The following RNF216 variants were observed in gnomAD, a reference collection of about 807,000 sequenced individuals.
RNF216 encodes E3 ubiquitin-protein ligase RNF216.
Under a neutral mutation model 110.8 loss-of-function variants are expected in RNF216, and 72 were observed. That is an observed-to-expected ratio of 0.65 (90% confidence interval 0.54 to 0.79). The LOEUF (loss-of-function observed/expected upper bound fraction) is 0.79, where lower values mean the gene tolerates loss of function less well. RNF216 is among the 30% of genes least tolerant of loss of function. The pLI, the probability that RNF216 is intolerant of heterozygous loss-of-function variation, is 0.00. For missense variants in RNF216, 1,342 were observed against 1,141.2 expected, an observed-to-expected ratio of 1.18 and a Z score of -2.54; for synonymous variants, 495 against 407.5, an observed-to-expected ratio of 1.21 and a Z score of -2.59.
chr7:5,645,857 T>A (rs59086001), intron 14 of RNF216, among the ~76,000 whole-genome samples: 6,377 of 152,320 alleles, frequency 0.042, 177 homozygotes, highest in East Asian at 0.092. Context: ...CCCAAAGTGC[T>A]GGGATTACAG....
chr7:5,752,127 G>A (rs1562461756), intron 3 of RNF216, among the ~76,000 whole-genome samples: 2 of 152,066 alleles, frequency 1.3e-5, no homozygotes, highest in Non-Finnish European at 2.9e-5. Context: ...GGAGGTTGCA[G>A]TGAGCCAAGA....
chr7:5,638,588 C>A (rs1236437608), intron 15 of RNF216, among the ~76,000 whole-genome samples: 1 of 151,554 alleles, frequency 6.6e-6, no homozygotes, highest in African/African-American at 2.4e-5. Flanking sequence ...TTAGGGGTGG[C>A]TGTTAGCCAA....
intron 14 of RNF216, among the ~76,000 whole-genome samples, chr7:5,643,857 C>T (rs1054945546): frequency 6.6e-6 from 1 of 152,138 alleles, no homozygotes; most frequent in Non-Finnish European, 1.5e-5. Flanking sequence ...GCCCTGCAAC[C>T]CACAGCGTGC....
At chr7:5,742,979 T>G (rs1794845143) in intron 3 of RNF216, among the ~76,000 whole-genome samples, 1 of 152,016 alleles carries the variant, frequency 6.6e-6, no homozygotes, top group Admixed American at 6.6e-5. Flanking sequence ...ATAAAAAACG[T>G]AGGCCAGGCG....
intron 13 of RNF216, among the ~76,000 whole-genome samples, chr7:5,665,017 T>C (rs1309371820): frequency 6.6e-6 from 1 of 152,154 alleles, no homozygotes; most frequent in Non-Finnish European, 1.5e-5. Context: ...AGGCTGGTCT[T>C]GAACTCCTGA....
intron 15 of RNF216, among the ~76,000 whole-genome samples, chr7:5,638,663 G>A (rs1409180465): frequency 1.3e-5 from 2 of 150,336 alleles, no homozygotes; most frequent in African/African-American, 2.5e-5. Context: ...GGGGAGACAG[G>A]GTCTTGCTCT....
Position 5,741,676 on chromosome 7 carries a change from C to G in RNF216, c.341G>C (p.Cys114Ser), listed in dbSNP as rs770191039. The G allele has an allele frequency of 1.7e-5, 27 of 1,614,176 alleles. No individual in the cohort carries two copies. Among genetic ancestry groups the G allele is most frequent in the Non-Finnish European group, 2.3e-5 (27 of 1,180,042 alleles). Residue 114 changes from cysteine to serine, a missense_variant, in exon 4 of 17, where the codon TGT becomes TCT. Cys to Ser is a moderately radical substitution (Grantham distance 112). Coordinates refer to ENST00000389902, the MANE Select transcript of RNF216 (RefSeq NM_207111.4). ...ESDKSSYFSV[C>S]NNPLFDSGAQ... The stretch of plus-strand genomic sequence containing the variant: ...CCCAGAATCAAACAATGGGTTGTTA[C>G]ACACTGAAAAATAGCTGCTCTTATC...
chr7:5,716,839 C>G (rs1350294621), intron 9 of RNF216, 73 bp from the exon 10 acceptor site: 2 of 1,180,488 alleles, frequency 1.7e-6, no homozygotes, highest in African/African-American at 3.1e-5. Flanking sequence ...GTATTTATTT[C>G]CATAAACATA....
intron 7 of RNF216, among the ~76,000 whole-genome samples, chr7:5,728,939 C>G (rs1793923710): frequency 6.6e-6 from 1 of 152,194 alleles, no homozygotes; most frequent in Non-Finnish European, 1.5e-5. Context: ...CCCTCCTCAC[C>G]CTCAACCAAG....
chr7:5,628,103 A>C (rs1786830555), intron 15 of RNF216, among the ~76,000 whole-genome samples: 1 of 152,166 alleles, frequency 6.6e-6, no homozygotes, highest in Non-Finnish European at 1.5e-5. Context: ...GGAGCCTCAG[A>C]GTCCCAAGGG....
intron 5 of RNF216, among the ~76,000 whole-genome samples, chr7:5,734,289 T>C (rs1270659821): frequency 6.6e-6 from 1 of 152,194 alleles, no homozygotes; most frequent in East Asian, 1.9e-4. Context: ...ATATAAACTG[T>C]GGTTCTACCC....
At chr7:5,737,708 G>A (rs1459437878) in intron 5 of RNF216, among the ~76,000 whole-genome samples, 4 of 152,134 alleles carry the variant, frequency 2.6e-5, no homozygotes, top group Non-Finnish European at 5.9e-5. Context: ...AGCCTTGGCA[G>A]GGAAGAAACT....
At chr7:5,752,268 C>T (rs1303709894) in intron 3 of RNF216, among the ~76,000 whole-genome samples, 2 of 151,854 alleles carry the variant, frequency 1.3e-5, no homozygotes, top group Non-Finnish European at 2.9e-5. Context: ...CCAAGAAAAA[C>T]AAAAAATGCT....
In RNF216 at chr7:5,755,098, AGGAGGAAAG is replaced by A. The variant is rs1437195393; in HGVS notation, c.68-2128_68-2120del. 4.6e-3 allele frequency among the ~76,000 whole-genome samples: 669 copies of A among 146,926 alleles called. 1 individual carries two copies. The highest frequency in any genetic ancestry group is 0.015 in the African/African-American group (594 of 39,988). ...AAGGAAAGGAAGGAAAGGAGAAGAG[AGGAGGAAAG>A]GAAGGAAAGGAAGGAAAGGAAAGAG... On this transcript the variant is annotated intron_variant, in intron 2 of 16. Transcript: ENST00000389902.
intron 1 of RNF216, among the ~76,000 whole-genome samples, chr7:5,781,088 G>C (rs1414503904): frequency 6.6e-6 from 1 of 152,194 alleles, no homozygotes; most frequent in Non-Finnish European, 1.5e-5. Flanking sequence ...AGATGTGAGG[G>C]AAGAGGAGGA....
intron 13 of RNF216, among the ~76,000 whole-genome samples, chr7:5,654,369 G>A (rs1402504833): frequency 1.3e-5 from 2 of 152,062 alleles, no homozygotes; most frequent in African/African-American, 4.8e-5. Context: ...TGACCCTTCT[G>A]GTGGGATGTC....
At chr7:5,632,275 G>A (rs918950378) in intron 15 of RNF216, among the ~76,000 whole-genome samples, 8 of 152,194 alleles carry the variant, frequency 5.3e-5, no homozygotes, top group Non-Finnish European at 8.8e-5. Flanking sequence ...TCCCCTCGAG[G>A]GCTGCAGTCT....
At chr7:5,651,011 C>T (rs1788352122) in intron 14 of RNF216, among the ~76,000 whole-genome samples, 1 of 152,160 alleles carries the variant, frequency 6.6e-6, no homozygotes, top group South Asian at 2.1e-4. Flanking sequence ...GCTTGCCTTG[C>T]CCACGTGACA....
At chr7:5,729,626 G>A (rs1393701561) in intron 6 of RNF216, 30 bp from the exon 7 acceptor site, 2 of 1,586,678 alleles carry the variant, frequency 1.3e-6, no homozygotes, top group East Asian at 2.2e-5. Context: ...TAAAATCAGA[G>A]GCCAGGCAGT....
Sources: gnomAD v4.1 joint callset for allele counts (sites outside exome capture counted in the v4.1 genomes callset) on GRCh38, gnomAD v4.1.1 for gene constraint, MANE v1.5 for transcripts, NCBI Gene and HGNC (gene_info 2026-07-23, HGNC 2026-07-21) for gene names.